NYAP2: variants seen among roughly 807,000 people sequenced by gnomAD.
NYAP2 encodes the protein neuronal tyrosine-phosphorylated phosphoinositide-3-kinase adapter 2.
A neutral mutation model predicts 50.4 loss-of-function variants in NYAP2; 23 were observed. The observed-to-expected ratio is 0.46, with a 90% confidence interval of 0.33 to 0.65. NYAP2 has a LOEUF of 0.65. NYAP2 is among the 30% of genes least tolerant of loss of function. NYAP2 has a pLI of 0.02. For synonymous variants in NYAP2, 394 were observed against 365.2 expected (o/e 1.08, Z -0.90); for missense variants, 885 against 861.0 (o/e 1.03, Z -0.35).
chr2:225,611,586 C>T (rs532718413), intron 5 of NYAP2, among the ~76,000 whole-genome samples: 1 of 151,802 alleles, frequency 6.6e-6, no homozygotes, highest in Admixed American at 6.6e-5. Flanking sequence ...CAAGATTTCT[C>T]GACTTCCCTC....
intron 5 of NYAP2, among the ~76,000 whole-genome samples, chr2:225,623,433 A>C (rs1166144590): frequency 5.9e-5 from 9 of 152,210 alleles, no homozygotes; most frequent in African/African-American, 2.2e-4. Flanking sequence ...CACAGACTGC[A>C]AACTGGCCTG....
chr2:225,586,180 C>T (rs1222899981), intron 5 of NYAP2, among the ~76,000 whole-genome samples: 1 of 152,100 alleles, frequency 6.6e-6, no homozygotes, highest in African/African-American at 2.4e-5. Flanking sequence ...ATACCTTAAA[C>T]TCATTTTTAA....
chr2:225,517,918 A>G (rs1160467598), intron 4 of NYAP2, among the ~76,000 whole-genome samples: 1 of 152,174 alleles, frequency 6.6e-6, no homozygotes, highest in Non-Finnish European at 1.5e-5. Context: ...GGAATAGTGA[A>G]CAGAGCAAAA....
the NYAP2 span, among the ~76,000 whole-genome samples, chr2:225,682,163 G>A: frequency 1.3e-5 from 2 of 152,060 alleles, no homozygotes; most frequent in African/African-American, 4.8e-5. Flanking sequence ...ATTAGAGAAA[G>A]TTCATCATAT....
At chr2:225,516,694 A>G (rs1263739351) in intron 4 of NYAP2, among the ~76,000 whole-genome samples, 1 of 152,192 alleles carries the variant, frequency 6.6e-6, no homozygotes, top group Non-Finnish European at 1.5e-5. Context: ...ATGCATGTGT[A>G]TATATATGTG....
At chr2:225,474,511 G>GTAGA (rs1358823111) in intron 3 of NYAP2, among the ~76,000 whole-genome samples, 1 of 152,140 alleles carries the variant, frequency 6.6e-6, no homozygotes, top group Non-Finnish European at 1.5e-5. Flanking sequence ...AGTTCACCTT[G>GTAGA]TAGAGGTCCT....
At position 225,638,617 on chromosome 2, in the gene NYAP2, A is replaced by G. The variant is rs556948279; in HGVS notation, c.1828+11491A>G. Among the ~76,000 whole-genome samples the G allele has an allele frequency of 2.1e-4, 32 of 152,226 alleles. No homozygotes were observed. In the South Asian group the frequency reaches 6.4e-3, roughly 31 times the overall value. On this transcript the variant is annotated intron_variant, in intron 6 of 6. Coordinates refer to ENST00000636099, the Ensembl canonical transcript of NYAP2. ...ACCCAGTTACCCACAAAAGACAGAG[A>G]GCGAACAACCATGATGTCTCCAGGT...
the NYAP2 span, among the ~76,000 whole-genome samples, chr2:225,672,568 AG>A: frequency 6.6e-6 from 1 of 152,162 alleles, no homozygotes; most frequent in Non-Finnish European, 1.5e-5. Flanking sequence ...ATTTCCTTTA[AG>A]AACTTTTCCT....
chr2:225,502,962 G>GT (rs1487464310), intron 3 of NYAP2, among the ~76,000 whole-genome samples: 1 of 152,172 alleles, frequency 6.6e-6, no homozygotes, highest in Non-Finnish European at 1.5e-5. Context: ...AGACAGAGTT[G>GT]TTTTGTCCTC....
At chr2:225,554,241 T>C in intron 4 of NYAP2, among the ~76,000 whole-genome samples, 1 of 148,964 alleles carries the variant, frequency 6.7e-6, no homozygotes, top group African/African-American at 2.6e-5. Flanking sequence ...TCCTATGGCC[T>C]TAGTATAAAC....
rs538047728 is a variant in NYAP2 at position 225,513,789 on chromosome 2, G to A, written c.523+117G>A. The A allele has an allele frequency of 4.6e-4, 318 of 690,006 alleles. No homozygotes were observed. In the African/African-American group the frequency reaches 5.5e-3, roughly 12 times the overall value. The allele number at this position is 690,006 out of a possible 1,614,324, so 42.7% of individuals were successfully genotyped here. Reference sequence around the variant, plus strand: ...GCCACATAATCCTGCCTCTCACCCTGAAGTCCCAGAAAAGAAGAATTGAGG... The same window carrying A: ...GCCACATAATCCTGCCTCTCACCCTAAAGTCCCAGAAAAGAAGAATTGAGG... On this transcript the variant is annotated intron_variant, in intron 4 of 6. Transcript: ENST00000636099.
chr2:225,699,229 A>C, the NYAP2 span: 1 of 151,962 alleles, frequency 6.6e-6, no homozygotes. Context: ...AGTCTGACTT[A>C]GTAATAACTA....
chr2:225,628,327 T>G (rs1040568010), intron 6 of NYAP2, among the ~76,000 whole-genome samples: 2 of 146,960 alleles, frequency 1.4e-5, no homozygotes, highest in Non-Finnish European at 3.0e-5. Context: ...TTTTTTTTTT[T>G]TTTTTTTTTT....
chr2:225,613,563 A>C (rs1692936017), intron 5 of NYAP2, among the ~76,000 whole-genome samples: 1 of 152,156 alleles, frequency 6.6e-6, no homozygotes, highest in African/African-American at 2.4e-5. Flanking sequence ...TCATATTAAA[A>C]ACTGGAAATA....
intron 5 of NYAP2, among the ~76,000 whole-genome samples, chr2:225,598,280 G>A (rs917470380): frequency 6.6e-6 from 1 of 151,966 alleles, no homozygotes; most frequent in Admixed American, 6.6e-5. Context: ...ATATCACTGG[G>A]TTGTTGATAT....
intron 3 of NYAP2, among the ~76,000 whole-genome samples, chr2:225,470,436 T>C (rs1230791418): frequency 6.6e-6 from 1 of 152,184 alleles, no homozygotes; most frequent in Non-Finnish European, 1.5e-5. Flanking sequence ...GGGGCATATA[T>C]GGTATATGGG....
intron 2 of NYAP2, among the ~76,000 whole-genome samples, chr2:225,402,664 G>GA (rs1264193204): frequency 6.6e-6 from 1 of 151,948 alleles, no homozygotes; most frequent in African/African-American, 2.4e-5. Context: ...TGCTTTCTGA[G>GA]AAAAAAGCAA....
At chr2:225,677,443 C>T in the NYAP2 span, among the ~76,000 whole-genome samples, 1 of 152,082 alleles carries the variant, frequency 6.6e-6, no homozygotes, top group African/African-American at 2.4e-5. Flanking sequence ...ACTTCCAGTA[C>T]TGTGTTGAAT....
intron 3 of NYAP2, among the ~76,000 whole-genome samples, chr2:225,454,016 T>A (rs1354078403): frequency 3.9e-5 from 6 of 152,036 alleles, no homozygotes; most frequent in Non-Finnish European, 8.8e-5. Flanking sequence ...TATTTTTGTG[T>A]TGTAATGTAA....
Sources: allele counts gnomAD v4.1 joint callset (sites outside exome capture counted in the v4.1 genomes callset), GRCh38; gene constraint gnomAD v4.1.1; transcripts MANE v1.5; gene names NCBI Gene and HGNC (gene_info 2026-07-23, HGNC 2026-07-21).